RBFOX1: variants seen among roughly 807,000 people sequenced by gnomAD.
The protein encoded by RBFOX1 is RNA binding fox-1 homolog 1.
RBFOX1 carries 8 observed loss-of-function variants against 57.7 expected under a neutral mutation model. That is an observed-to-expected ratio of 0.14 (90% CI 0.08 to 0.25). The LOEUF is 0.25. Among genes scored for constraint, RBFOX1 ranks in the 10% least tolerant of loss-of-function variants. The pLI is 1.00. For synonymous variants in RBFOX1, 326 were observed against 222.4 expected (o/e 1.47, Z -4.15); for missense variants, 611 against 548.5 (o/e 1.11, Z -1.14).
intron 3 of RBFOX1, among the ~76,000 whole-genome samples, chr16:6,814,586 TCA>T (rs1434218430): frequency 1.3e-5 from 2 of 152,066 alleles, no homozygotes; most frequent in African/African-American, 4.8e-5. Flanking sequence ...TAGATGCGAA[TCA>T]CAGAGATTCT....
chr16:7,226,037 T>C (rs12444032), intron 4 of RBFOX1, among the ~76,000 whole-genome samples: 8,183 of 151,476 alleles, frequency 0.054, 288 homozygotes, highest in Middle Eastern at 0.092. Flanking sequence ...TTTCTTGGCG[T>C]CCACTTTATT....
chr16:6,417,330 C>G (rs2093650955), intron 2 of RBFOX1, among the ~76,000 whole-genome samples: 1 of 150,118 alleles, frequency 6.7e-6, no homozygotes, highest in African/African-American at 2.4e-5. Context: ...CTTTCTTTCC[C>G]TTTCCATCGG....
chr16:7,307,319 T>G (rs2096213246), intron 4 of RBFOX1, among the ~76,000 whole-genome samples: 1 of 152,242 alleles, frequency 6.6e-6, no homozygotes, highest in Admixed American at 6.5e-5. Flanking sequence ...AGCATGAACA[T>G]CCAACCTTTC....
At chr16:5,445,945 A>C (rs1248483291) in intron 1 of RBFOX1, among the ~76,000 whole-genome samples, 2 of 152,212 alleles carry the variant, frequency 1.3e-5, no homozygotes, top group African/African-American at 4.8e-5. Context: ...GAGGAGTAAG[A>C]AGAACATTGA....
At chr16:7,067,182 C>T (rs1049856213) in intron 4 of RBFOX1, among the ~76,000 whole-genome samples, 7 of 152,120 alleles carry the variant, frequency 4.6e-5, no homozygotes, top group Non-Finnish European at 8.8e-5. Flanking sequence ...TTCACCAAAC[C>T]CAGAGGGTGA....
chr16:7,517,232 T>A (rs886850499), intron 4 of RBFOX1, among the ~76,000 whole-genome samples: 4 of 151,204 alleles, frequency 2.6e-5, no homozygotes, highest in South Asian at 4.2e-4. Flanking sequence ...GAGAGCTGTT[T>A]CCTGAAATGG....
At chr16:6,347,806 C>T (rs1599895106) in intron 2 of RBFOX1, among the ~76,000 whole-genome samples, 1 of 152,194 alleles carries the variant, frequency 6.6e-6, no homozygotes, top group African/African-American at 2.4e-5. Flanking sequence ...GCCCATTCCT[C>T]TAACTAAACA....
intron 1 of RBFOX1, among the ~76,000 whole-genome samples, chr16:6,021,564 C>T (rs958506473): frequency 6.6e-6 from 1 of 152,148 alleles, no homozygotes; most frequent in African/African-American, 2.4e-5. Flanking sequence ...TCTTTGAGCT[C>T]GTCAGGGAGG....
At chr16:6,011,193 AG>A (rs1567254456) in intron 4 of RBFOX1, among the ~76,000 whole-genome samples, 1 of 152,336 alleles carries the variant, frequency 6.6e-6, no homozygotes, top group East Asian at 1.9e-4. Flanking sequence ...ATTAAGGCAA[AG>A]CTATGTATGT....
At chr16:7,404,028 C>CTTTTCTTTTA (rs140735043) in intron 4 of RBFOX1, among the ~76,000 whole-genome samples, 11 of 130,004 alleles carry the variant, frequency 8.5e-5, no homozygotes, top group Admixed American at 1.6e-4. Context: ...ATTTCATTTC[C>CTTTTCTTTTA]TTTTATTTTA....
intron 3 of RBFOX1, among the ~76,000 whole-genome samples, chr16:6,943,902 C>T (rs528813998): frequency 4.6e-5 from 7 of 151,858 alleles, no homozygotes; most frequent in Non-Finnish European, 5.9e-5. Context: ...TCCCTTTTTT[C>T]GTCTATAAAT....
At chr16:6,136,773 G>A (rs1198050226) in intron 1 of RBFOX1, among the ~76,000 whole-genome samples, 1 of 152,250 alleles carries the variant, frequency 6.6e-6, no homozygotes, top group Non-Finnish European at 1.5e-5. Flanking sequence ...TGTACTGCTG[G>A]CTTTCCATAC....
chr16:7,269,713 G>T (rs1274671544), intron 4 of RBFOX1, among the ~76,000 whole-genome samples: 2 of 152,072 alleles, frequency 1.3e-5, no homozygotes, highest in African/African-American at 2.4e-5. Context: ...ATGTCACAGA[G>T]AATTTTCTTA....
intron 1 of RBFOX1, among the ~76,000 whole-genome samples, chr16:6,034,305 C>G (rs1162964201): frequency 1.8e-5 from 2 of 112,506 alleles, no homozygotes; most frequent in Non-Finnish European, 3.3e-5. Flanking sequence ...GCACTCCAGC[C>G]TGGGTGACAG....
Position 5,946,033 on chromosome 16 carries a change from G to A in RBFOX1, c.351+78698G>A, listed in dbSNP as rs890624289. On this transcript the variant is annotated intron_variant, in intron 4 of 19. Coordinates refer to the RBFOX1 transcript ENST00000641259. This position sits in a 1 kb window ranked among gnomAD's most constrained non-coding sequence, Gnocchi z 4.6. ...CATTGGGTTTAAAAAGAGAAAAGAA[G>A]TCTGCTTTGTTTGCTAGTAAAGTGA... is the stretch of plus-strand genomic sequence containing the variant. Among the ~76,000 whole-genome samples, 2 of 152,192 alleles carry A rather than the reference G, an allele frequency of 1.3e-5. No individual in the cohort carries two copies. Among genetic ancestry groups the A allele is most frequent in the African/African-American group, 2.4e-5 (1 of 41,436 alleles).
At chr16:6,884,492 A>G (rs534439586) in intron 3 of RBFOX1, among the ~76,000 whole-genome samples, 2 of 152,318 alleles carry the variant, frequency 1.3e-5, no homozygotes, top group Admixed American at 6.5e-5. Flanking sequence ...TTAAGTACCT[A>G]CCATTTGCAA....
chr16:6,058,473 T>C (rs981722150), intron 1 of RBFOX1, among the ~76,000 whole-genome samples: 1 of 152,206 alleles, frequency 6.6e-6, no homozygotes, highest in African/African-American at 2.4e-5. Context: ...GATACATCTT[T>C]ATAAAAAGTT....
chr16:6,643,252 T>C (rs1279327416), intron 2 of RBFOX1, among the ~76,000 whole-genome samples: 2 of 152,224 alleles, frequency 1.3e-5, no homozygotes, highest in African/African-American at 4.8e-5. Context: ...TTTCGGTATT[T>C]TTTGCAAAGT....
chr16:7,316,056 T>G (rs2142961871), intron 4 of RBFOX1, among the ~76,000 whole-genome samples: 1 of 152,362 alleles, frequency 6.6e-6, no homozygotes, highest in South Asian at 2.1e-4. Context: ...CTGATAGTTC[T>G]TCCTGGCTTT....
Sources: gnomAD v4.1 joint callset for allele counts (sites outside exome capture counted in the v4.1 genomes callset) on GRCh38, gnomAD v4.1.1 for gene constraint, Gnocchi (gnomAD v3.1) non-coding constraint, MANE v1.5 for transcripts, NCBI Gene and HGNC (gene_info 2026-07-23, HGNC 2026-07-21) for gene names.